GALNT17: variants seen among roughly 807,000 people sequenced by gnomAD.
GALNT17 encodes UDP-GalNAc:polypeptide N-acetylgalactosaminyltransferase-like 3.
Under a neutral mutation model 63.7 loss-of-function variants are expected in GALNT17, and 29 were observed. That is an observed-to-expected ratio of 0.46 (90% CI 0.34 to 0.62). The LOEUF is 0.62. Ranked by LOEUF, GALNT17 falls within the 20% of genes least tolerant of loss-of-function variation. The pLI is 0.01. For synonymous variants in GALNT17, 305 were observed against 318.3 expected (o/e 0.96, Z 0.45); for missense variants, 603 against 799.6 (o/e 0.75, Z 2.97).
chr7:71,448,671 A>C (rs1468884734), intron 5 of GALNT17, among the ~76,000 whole-genome samples: 1 of 152,074 alleles, frequency 6.6e-6, no homozygotes, highest in East Asian at 1.9e-4. Flanking sequence ...TTTTTTCTTG[A>C]AAACAAAAGG....
intron 6 of GALNT17, among the ~76,000 whole-genome samples, chr7:71,650,759 A>T (rs1790742418): frequency 6.6e-6 from 1 of 152,220 alleles, no homozygotes; most frequent in African/African-American, 2.4e-5. Flanking sequence ...ACATGCATGG[A>T]TAAGGGAGTG....
intron 1 of GALNT17, among the ~76,000 whole-genome samples, chr7:71,263,345 C>T (rs919348608): frequency 1.3e-5 from 2 of 151,888 alleles, no homozygotes; most frequent in Non-Finnish European, 2.9e-5. Context: ...GGCCGCAGAG[C>T]GAGACTCCAA....
At chr7:71,571,499 A>C in intron 6 of GALNT17, 97 bp downstream of exon 6, 3 of 944,604 alleles carry the variant, frequency 3.2e-6, no homozygotes, top group Non-Finnish European at 5.1e-6. Flanking sequence ...CTTACAGCTG[A>C]TGAATGACAG....
At chr7:71,596,737 G>C (rs1789892279) in intron 6 of GALNT17, among the ~76,000 whole-genome samples, 1 of 152,034 alleles carries the variant, frequency 6.6e-6, no homozygotes, top group African/African-American at 2.4e-5. Flanking sequence ...GTGACTATTG[G>C]AATTGCCTTA....
intron 5 of GALNT17, among the ~76,000 whole-genome samples, chr7:71,468,275 C>T (rs372075750): frequency 1.3e-5 from 2 of 152,012 alleles, no homozygotes; most frequent in South Asian, 2.1e-4. Context: ...AGCAATCCTC[C>T]TGTATCATCC....
In GALNT17 at chr7:71,503,825, G is replaced by A. The variant is rs373425816; in HGVS notation, c.963-67460G>A. ...AATACGTTAATAAGGGCTGGGCACC[G>A]TGGCTCACGCTTGTAATCCCAGCAC... On this transcript the variant is annotated intron_variant, in intron 5 of 10. Transcript: ENST00000333538. Among the ~76,000 whole-genome samples, 243 of 152,248 alleles carry A rather than the reference G, an allele frequency of 1.6e-3. 2 individuals are homozygous for A. The highest frequency in any genetic ancestry group is 5.6e-3 in the African/African-American group (233 of 41,570).
chr7:71,273,228 C>T (rs1305442308), intron 1 of GALNT17, among the ~76,000 whole-genome samples: 4 of 152,136 alleles, frequency 2.6e-5, no homozygotes, highest in African/African-American at 9.7e-5. Flanking sequence ...AATCACTCAC[C>T]TCATTTCCCT....
chr7:71,559,902 A>C (rs10664031), intron 5 of GALNT17, among the ~76,000 whole-genome samples: 4,130 of 115,852 alleles, frequency 0.036, 210 homozygotes, highest in African/African-American at 0.13. Context: ...AAAAACAAAA[A>C]AAAAAAAATC....
chr7:71,503,715 C>G (rs1265954581), intron 5 of GALNT17, among the ~76,000 whole-genome samples: 1 of 152,188 alleles, frequency 6.6e-6, no homozygotes, highest in South Asian at 2.1e-4. Context: ...GGTAATTCTA[C>G]CCAGTGTTTT....
At position 71,557,626 on chromosome 7, in the gene GALNT17, C is replaced by T. The variant is rs373060143; in HGVS notation, c.963-13659C>T. Among the ~76,000 whole-genome samples, 186 of 152,176 alleles carry T rather than the reference C, an allele frequency of 1.2e-3. 1 individual carries two copies. The South Asian group carries it at 0.027, about 22-fold the overall frequency. On this transcript the variant is annotated intron_variant, in intron 5 of 10. Transcript: ENST00000333538. Reference sequence around the variant, plus strand: ...TGGCCAACATGATGAAACCCTGTCTCTAATAAAAAATAAAATTAGCCAGGC... The same window carrying T: ...TGGCCAACATGATGAAACCCTGTCTTTAATAAAAAATAAAATTAGCCAGGC...
intron 5 of GALNT17, among the ~76,000 whole-genome samples, chr7:71,426,871 A>G (rs1352413388): frequency 6.6e-6 from 1 of 150,676 alleles, no homozygotes; most frequent in Non-Finnish European, 1.5e-5. Context: ...GTGAGCCAAG[A>G]TCATACCACC....
intron 6 of GALNT17, among the ~76,000 whole-genome samples, chr7:71,614,034 A>G (rs542846895): frequency 6.6e-5 from 10 of 152,190 alleles, no homozygotes; most frequent in South Asian, 4.2e-4. Context: ...TCACTACAAG[A>G]CCTATTACTT....
intron 1 of GALNT17, among the ~76,000 whole-genome samples, chr7:71,294,630 G>T (rs1791044723): frequency 6.6e-6 from 1 of 151,944 alleles, no homozygotes; most frequent in Non-Finnish European, 1.5e-5. Context: ...GGCCAGGCTG[G>T]CCTTGAACTC....
intron 5 of GALNT17, among the ~76,000 whole-genome samples, chr7:71,457,777 T>C (rs1787380964): frequency 6.6e-6 from 1 of 152,166 alleles, no homozygotes; most frequent in Admixed American, 6.5e-5. Flanking sequence ...CAACAAAGTT[T>C]TTATGACCTG....
In GALNT17 at chr7:71,546,547, A is replaced by G. The variant is rs552533658; in HGVS notation, c.963-24738A>G. The stretch of plus-strand genomic sequence containing the variant: ...GATTAGAGTAGATTTTCTGAATGCA[A>G]GCAGCCTGTGTGATCACCATCTGAA... On this transcript the variant is annotated intron_variant, in intron 5 of 10. Coordinates refer to ENST00000333538, the MANE Select transcript of GALNT17 (RefSeq NM_022479.3). 2.0e-5 allele frequency among the ~76,000 whole-genome samples: 3 copies of G among 152,326 alleles called. No individual in the cohort carries two copies. In the South Asian group the frequency reaches 6.2e-4, roughly 32 times the overall value.
chr7:71,207,944 T>G (rs79730671), intron 1 of GALNT17, among the ~76,000 whole-genome samples: 1 of 151,464 alleles, frequency 6.6e-6, no homozygotes, highest in Non-Finnish European at 1.5e-5. Context: ...TTTTCTTTTT[T>G]TTTTTTTTGA....
intron 1 of GALNT17, among the ~76,000 whole-genome samples, chr7:71,281,514 G>A (rs573821755): frequency 1.7e-3 from 264 of 152,304 alleles, no homozygotes; most frequent in Non-Finnish European, 2.9e-3. Context: ...TGTTTCTCAT[G>A]TGCTATGATG....
intron 5 of GALNT17, among the ~76,000 whole-genome samples, chr7:71,510,659 C>G (rs1015483074): frequency 1.3e-5 from 2 of 152,182 alleles, no homozygotes; most frequent in East Asian, 3.9e-4. Context: ...TGTCTCCTTA[C>G]CAGGCTTCCT....
At chr7:71,480,182 T>C (rs1465391786) in intron 5 of GALNT17, among the ~76,000 whole-genome samples, 2 of 49,440 alleles carry the variant, frequency 4.0e-5, no homozygotes, top group Non-Finnish European at 8.2e-5. Flanking sequence ...TTTTTTTTTT[T>C]TGAGACAGAG....
Sources: allele counts gnomAD v4.1 joint callset (sites outside exome capture counted in the v4.1 genomes callset), GRCh38; gene constraint gnomAD v4.1.1; transcripts MANE v1.5; gene names NCBI Gene and HGNC (gene_info 2026-07-23, HGNC 2026-07-21).